The following FHIP2B variants were observed in gnomAD, a reference collection of about 807,000 sequenced individuals.
The protein encoded by FHIP2B is FHF complex subunit HOOK-interacting protein 2B.
In FHIP2B, 72 loss-of-function variants were observed where a neutral mutation model predicts 84.0. The ratio of observed to expected loss-of-function variants is 0.86; its 90% CI spans 0.71 to 1.04. The LOEUF (loss-of-function observed/expected upper bound fraction) is 1.04, where lower values mean the gene tolerates loss of function less well. Ranked by LOEUF, FHIP2B falls within the 50% of genes least tolerant of loss-of-function variation. The pLI, the probability that FHIP2B is intolerant of heterozygous loss-of-function variation, is 0.00. For missense variants in FHIP2B, 972 were observed against 968.9 expected (o/e 1.00, Z -0.04); for synonymous variants, 497 against 418.7 (o/e 1.19, Z -2.28).
rs1386257807 is a variant in FHIP2B, at chr8:22,102,177, A to G, written c.1854A>G (p.Pro618=). Residue 618 remains proline (P), a splice_region_variant and synonymous_variant, in exon 15 of 17, where the codon CCA becomes CCG. Transcript: ENST00000289921. The part of the protein sequence containing the change: ...FDRMSRILDQ[P]YSLNLQVTSV... ...CTCTGTCCACCATGTTCCTACAGCC[A>G]TACAGCCTGAACCTGCAGGTGACCT... 7 of 1,613,278 alleles carry G rather than the reference A, an allele frequency of 4.3e-6. No homozygotes were observed. Among genetic ancestry groups the G allele is most frequent in the South Asian group, 3.3e-5 (3 of 91,076 alleles).
rs59841460 is a variant in FHIP2B at position 22,093,708 on chromosome 8, C to CTTTTTTTTTTTTTTT, written c.46-720_46-706dup. 1.3e-3 allele frequency among the ~76,000 whole-genome samples: 89 copies of CTTTTTTTTTTTTTTT among 66,454 alleles called. 24 individuals are homozygous for CTTTTTTTTTTTTTTT. Among genetic ancestry groups the CTTTTTTTTTTTTTTT allele is most frequent in the South Asian group, 2.1e-3 (3 of 1,410 alleles). The allele number at this position is 66,454 out of a possible 152,430, so 43.6% of individuals were successfully genotyped here. On this transcript the variant is annotated intron_variant, in intron 1 of 16. Coordinates refer to ENST00000289921, the MANE Select transcript of FHIP2B (RefSeq NM_022749.7). The stretch of plus-strand genomic sequence containing the variant: ...ATTGAGAGGAATGGAAAAGCTTTGT[C>CTTTTTTTTTTTTTTT]TTTTTTTTTTTTTTTTTTTTTTTTT...
Position 22,089,197 on chromosome 8 carries a change from C to G in FHIP2B, c.-57C>G. On this transcript the variant is annotated 5_prime_UTR_variant, in exon 1 of 17. Transcript: ENST00000289921. ...CGCCGGGGCCACGGGGCTGCCTCCTCCGCCTAGAGCGCTGCCGCCGCCGCT... is the reference window on the plus strand; with the variant it reads ...CGCCGGGGCCACGGGGCTGCCTCCTGCGCCTAGAGCGCTGCCGCCGCCGCT... 1 of 1,040,710 alleles carries G rather than the reference C, an allele frequency of 9.6e-7. No homozygotes were observed. The allele number at this position is 1,040,710 out of a possible 1,614,324, so 64.5% of individuals were successfully genotyped here. A position where few individuals can be genotyped will look rare whatever the true frequency, so the allele number is the denominator to read the frequency against.
At chr8:22,089,351 G>A (rs1825337846) in intron 1 of FHIP2B, 53 bp downstream of exon 1, 7 of 965,910 alleles carry the variant, frequency 7.2e-6, no homozygotes, top group Non-Finnish European at 8.6e-6. Flanking sequence ...CCTAGGCCGG[G>A]CTGGGCGGGC....
At chr8:22,099,603 A>C in intron 9 of FHIP2B, 101 bp from the exon 10 acceptor site, 1 of 1,365,408 alleles carries the variant, frequency 7.3e-7, no homozygotes, top group Non-Finnish European at 9.9e-7. Flanking sequence ...GACCACAGAC[A>C]TACCAGCCAA....
rs1297806361 is a variant in FHIP2B, at chr8:22,104,145, CCCGCGGGGGAGGACCTCG to C, written c.*1219_*1236del. ...GACCTCTGCCTCTCCCACATTCCTC[CCCGCGGGGGAGGACCTCG>C]CCGCTCTGAAGAGCACCGTGCACAT... is the stretch of plus-strand genomic sequence containing the variant. On this transcript the variant is annotated 3_prime_UTR_variant, in exon 17 of 17. Transcript: ENST00000289921. 2 of 152,410 alleles carry C rather than the reference CCCGCGGGGGAGGACCTCG, an allele frequency of 1.3e-5. No homozygotes were observed. Among genetic ancestry groups the C allele is most frequent in the South Asian group, 2.1e-4 (1 of 4,830 alleles). The allele number at this position is 152,410 out of a possible 1,614,324, so 9.4% of individuals were successfully genotyped here. A position where few individuals can be genotyped will look rare whatever the true frequency, so the allele number is the denominator to read the frequency against.
chr8:22,101,142 C>T, intron 12 of FHIP2B, 170 bp downstream of exon 12: 1 of 821,104 alleles, frequency 1.2e-6, no homozygotes, highest in African/African-American at 1.7e-5. Context: ...TGTGCCTCAG[C>T]CTCCCGAGTA....
Position 22,101,775 on chromosome 8 carries a change from A to G in FHIP2B, c.1775A>G (p.His592Arg), listed in dbSNP as rs1826131569. The G allele has an allele frequency of 6.2e-7, 1 of 1,613,204 alleles. No homozygotes were observed. The highest frequency in any genetic ancestry group is 8.5e-7 in the Non-Finnish European group (1 of 1,179,770). Residue 592 changes from histidine to arginine, a missense_variant, in exon 14 of 17, where the codon CAT becomes CGT. His to Arg is a conservative substitution (Grantham distance 29, BLOSUM62 0). Coordinates refer to ENST00000289921, the MANE Select transcript of FHIP2B (RefSeq NM_022749.7). ...CTGACCCCCACACCTTTGGACCCCC[A>G]TGAGCCCGAGCGACCTTTCTTCGAG... The part of the protein sequence containing the change: ...WPLTPTPLDP[H>R]EPERPFFEGH...
In FHIP2B at chr8:22,099,690, C is replaced by T. The variant is rs377392983; in HGVS notation, c.1152-14C>T. 1.9e-6 allele frequency: 3 copies of T among 1,557,054 alleles called. No individual in the cohort carries two copies. Among genetic ancestry groups the T allele is most frequent in the African/African-American group, 1.4e-5 (1 of 72,426 alleles). On this transcript the variant is annotated splice_polypyrimidine_tract_variant and intron_variant, in intron 9 of 16. Transcript: ENST00000289921. ...GCACACACCGGGCCTGGCTAAGGTGCCCTCTTCCCGTAGGTCCGAGCAGAG... is the reference window on the plus strand; with the variant it reads ...GCACACACCGGGCCTGGCTAAGGTGTCCTCTTCCCGTAGGTCCGAGCAGAG...
rs1321558541 is a variant in FHIP2B at position 22,102,643 on chromosome 8, T to A, written c.2093+15T>A. On this transcript the variant is annotated intron_variant, in intron 16 of 16. Coordinates refer to ENST00000289921, the MANE Select transcript of FHIP2B (RefSeq NM_022749.7). ...CCTGGGGAGCAGTGAGTACCAAGGG[T>A]GCCAGGTGAAGCCTTGGGGTGGGAG... 6.4e-7 allele frequency: 1 copy of A among 1,563,340 alleles called. No individual in the cohort carries two copies. The highest frequency in any genetic ancestry group is 1.4e-5 in the African/African-American group (1 of 73,678).
intron 1 of FHIP2B, among the ~76,000 whole-genome samples, chr8:22,091,558 C>T (rs903006334): frequency 5.9e-5 from 9 of 152,126 alleles, no homozygotes; most frequent in Non-Finnish European, 1.3e-4. Flanking sequence ...CTAATAATAT[C>T]GTTAAAGAGA....
Position 22,099,356 on chromosome 8 carries a change from C to T in FHIP2B, c.1147C>T (p.His383Tyr). 3 of 1,613,298 alleles carry T rather than the reference C, an allele frequency of 1.9e-6. No individual in the cohort carries two copies. Among genetic ancestry groups the T allele is most frequent in the Non-Finnish European group, 1.7e-6 (2 of 1,179,602 alleles). Residue 383 changes from histidine to tyrosine, a missense_variant, in exon 9 of 17, where the codon CAC (histidine) becomes TAC (tyrosine). Physicochemically the swap from His to Tyr is moderately conservative, Grantham distance 83 (BLOSUM62 2). Transcript: ENST00000289921. ...GGAGACCCTGCAGCCCCAGCTCCTG[C>T]ACGTGTAAGTGTCTAGTTCCCTCAG... The part of the protein sequence containing the change: ...FVETLQPQLL[H>Y]VSEQSILTST...
In FHIP2B at chr8:22,103,069, AC is replaced by A; in HGVS notation, c.*140del. On this transcript the variant is annotated 3_prime_UTR_variant, in exon 17 of 17. Coordinates refer to ENST00000289921, the MANE Select transcript of FHIP2B (RefSeq NM_022749.7). ...CACTCAAGGAGACTGCGGCATGTTG[AC>A]CACACCAGACTGGGTTTCAGGGAAT... 8.9e-7 allele frequency: 1 copy of A among 1,121,516 alleles called. No homozygotes were observed. The highest frequency in any genetic ancestry group is 1.2e-6 in the Non-Finnish European group (1 of 807,848). The allele number at this position is 1,121,516 out of a possible 1,614,324, so 69.5% of individuals were successfully genotyped here.
chr8:22,102,464 G>A, intron 15 of FHIP2B, 64 bp from the exon 16 acceptor site: 1 of 1,535,974 alleles, frequency 6.5e-7, no homozygotes, highest in Non-Finnish European at 8.8e-7. Flanking sequence ...GCATGGTGTG[G>A]CAGGGCCAGG....
At position 22,094,533 on chromosome 8, in the gene FHIP2B, T is replaced by A. The variant is rs1281687802; in HGVS notation, c.124+15T>A. On this transcript the variant is annotated intron_variant, in intron 2 of 16. Coordinates refer to ENST00000289921, the MANE Select transcript of FHIP2B (RefSeq NM_022749.7). ...CGAGAGCACAGGTGCGGCCTGGCCC[T>A]CCCCAGCCCAGGGACCCTGGAGGGA... 6.2e-7 allele frequency: 1 copy of A among 1,608,294 alleles called. No homozygotes were observed. Among genetic ancestry groups the A allele is most frequent in the Admixed American group, 1.7e-5 (1 of 59,176 alleles).
intron 3 of FHIP2B, 147 bp from the exon 4 acceptor site, chr8:22,097,369 G>A (rs1482377546): frequency 5.4e-5 from 33 of 608,420 alleles, no homozygotes; most frequent in East Asian, 3.6e-4. Context: ...TCTGACAGGC[G>A]CTCTGTCCCT....
chr8:22,102,411 G>GCGGGGGGGGGGGC, intron 15 of FHIP2B, 96 bp downstream of exon 15: 1 of 586,986 alleles, frequency 1.7e-6, no homozygotes, highest in Non-Finnish European at 3.1e-6. Context: ...GGAGGGGTGG[G>GCGGGGGGGGGGGC]CACCCTTGCC....
In FHIP2B at chr8:22,099,030, G is replaced by A. The variant is rs764444790; in HGVS notation, c.1048G>A (p.Asp350Asn). The A allele has an allele frequency of 6.2e-6, 10 of 1,605,028 alleles. No homozygotes were observed. Among genetic ancestry groups the A allele is most frequent in the African/African-American group, 1.3e-5 (1 of 74,912 alleles). Residue 350 changes from aspartate (D) to asparagine (N), a missense_variant, in exon 8 of 17, where the codon GAC becomes AAC. Transcript: ENST00000289921. ...AAFLGWFDYC[D>N]HLITEAHTVV... The stretch of plus-strand genomic sequence containing the variant: ...CTTCTTGGGCTGGTTTGATTACTGC[G>A]ACCACCTCATCACAGAGGCACACAC...
At position 22,102,894 on chromosome 8, in the gene FHIP2B, G is replaced by A. The variant is rs774368845; in HGVS notation, c.2195G>A (p.Arg732His). 13 of 1,613,524 alleles carry A rather than the reference G, an allele frequency of 8.1e-6. No individual in the cohort carries two copies. Among genetic ancestry groups the A allele is most frequent in the Non-Finnish European group, 1.1e-5 (13 of 1,179,822 alleles). ...AFVKFPPHDP[R>H]QNVSPAPEGQ... Reference sequence around the variant, plus strand: ...GTCAAGTTTCCCCCACATGATCCTCGCCAGAACGTCTCCCCAGCCCCGGAA... The same window carrying A: ...GTCAAGTTTCCCCCACATGATCCTCACCAGAACGTCTCCCCAGCCCCGGAA... Residue 732 changes from arginine to histidine, a missense_variant, in exon 17 of 17, where the codon CGC becomes CAC. Coordinates refer to ENST00000289921, the MANE Select transcript of FHIP2B (RefSeq NM_022749.7).
chr8:22,099,198 G>A lies in FHIP2B; in HGVS notation c.1075-86G>A, dbSNP rs191496793. 1.9e-6 allele frequency: 3 copies of A among 1,543,494 alleles called. No homozygotes were observed. The African/African-American group carries it at 4.1e-5, about 21-fold the overall frequency. Reference sequence around the variant, plus strand: ...CAGGCGGGCCGGGACCCTCTCCTGTGGCATCAGGCGCCGCGCAAGAACACG... The same window carrying A: ...CAGGCGGGCCGGGACCCTCTCCTGTAGCATCAGGCGCCGCGCAAGAACACG... On this transcript the variant is annotated intron_variant, in intron 8 of 16. Transcript: ENST00000289921.
Sources: allele counts gnomAD v4.1 joint callset (sites outside exome capture counted in the v4.1 genomes callset), GRCh38; gene constraint gnomAD v4.1.1; transcripts MANE v1.5; gene names NCBI Gene and HGNC (gene_info 2026-07-23, HGNC 2026-07-21).